The following NR3C2 variants were observed in gnomAD, a reference collection of about 807,000 sequenced individuals.
The protein encoded by NR3C2 is mineralocorticoid receptor.
NR3C2 carries 15 observed loss-of-function variants against 86.4 expected under a neutral mutation model. The observed-to-expected ratio is 0.17, with a 90% CI of 0.12 to 0.27. The LOEUF (loss-of-function observed/expected upper bound fraction) is 0.27, where lower values mean the gene tolerates loss of function less well. NR3C2 is among the 10% of genes least tolerant of loss of function. The pLI is 1.00. For missense variants in NR3C2, 960 were observed against 1,195.6 expected, an observed-to-expected ratio of 0.80 and a Z score of 2.91; for synonymous variants, 458 against 450.5, an observed-to-expected ratio of 1.02 and a Z score of -0.21.
At chr4:148,442,008 G>C (rs899860448) in intron 1 of NR3C2, among the ~76,000 whole-genome samples, 152 bp downstream of exon 1, 5 of 152,216 alleles carry the variant, frequency 3.3e-5, no homozygotes, top group African/African-American at 1.2e-4. Flanking sequence ...GGGGAGAAAA[G>C]TGGAAAACCA....
At chr4:148,097,984 CT>C (rs1005422804) in intron 8 of NR3C2, among the ~76,000 whole-genome samples, 12 of 152,186 alleles carry the variant, frequency 7.9e-5, no homozygotes, top group African/African-American at 2.9e-4. Flanking sequence ...CGACTTCCCC[CT>C]GTACTCTTCG....
intron 3 of NR3C2, among the ~76,000 whole-genome samples, chr4:148,210,281 C>T (rs1488120028): frequency 6.6e-6 from 1 of 152,116 alleles, no homozygotes; most frequent in Admixed American, 6.5e-5. Flanking sequence ...ACCTCCACCT[C>T]CCGGGTTCAA....
Position 148,216,859 on chromosome 4 carries a change from A to G in NR3C2, c.1898-21997T>C, listed in dbSNP as rs377186345. ...TTACCTAGCTCATGATCACAACCAG[A>G]GGTACGGTCTCCAAAGGTATCAAAT... On this transcript the variant is annotated intron_variant, in intron 3 of 8. Coordinates refer to ENST00000358102, the MANE Select transcript of NR3C2 (RefSeq NM_000901.5). Among the ~76,000 whole-genome samples the G allele has an allele frequency of 2.6e-5, 4 of 152,308 alleles. No individual in the cohort carries two copies. In the East Asian group the frequency reaches 5.8e-4, roughly 22 times the overall value.
chr4:148,360,749 T>C (rs1745795097), intron 2 of NR3C2, among the ~76,000 whole-genome samples: 1 of 152,216 alleles, frequency 6.6e-6, no homozygotes, highest in South Asian at 2.1e-4. Flanking sequence ...TAATTAAAAA[T>C]CTGTAAATCC....
chr4:148,221,767 G>A (rs773969211), intron 3 of NR3C2, among the ~76,000 whole-genome samples: 41 of 151,956 alleles, frequency 2.7e-4, no homozygotes, highest in Non-Finnish European at 4.6e-4. Flanking sequence ...GGTGGCAGGT[G>A]CCTGTAATCT....
chr4:148,417,252 A>C (rs1749057779), intron 2 of NR3C2, among the ~76,000 whole-genome samples: 1 of 152,164 alleles, frequency 6.6e-6, no homozygotes, highest in South Asian at 2.1e-4. Context: ...GGGAATTTTG[A>C]ATTTTTATAT....
intron 2 of NR3C2, among the ~76,000 whole-genome samples, chr4:148,338,743 A>C (rs1744610340): frequency 6.6e-6 from 1 of 152,280 alleles, no homozygotes; most frequent in South Asian, 2.1e-4. Flanking sequence ...CAAATCCAAT[A>C]ATGCTGAAAG....
At chr4:148,126,910 G>GT (rs1236683026) in intron 6 of NR3C2, among the ~76,000 whole-genome samples, 1 of 152,040 alleles carries the variant, frequency 6.6e-6, no homozygotes, top group Admixed American at 6.6e-5. Context: ...CCAAACCCAG[G>GT]TTTTTTACTT....
intron 3 of NR3C2, among the ~76,000 whole-genome samples, chr4:148,227,145 C>T (rs998330607): frequency 4.6e-5 from 7 of 152,092 alleles, no homozygotes; most frequent in Admixed American, 2.0e-4. Flanking sequence ...TTTCGTGGTT[C>T]AGGGTCCAAT....
intron 6 of NR3C2, among the ~76,000 whole-genome samples, chr4:148,141,738 A>G (rs1733621918): frequency 6.6e-6 from 1 of 152,170 alleles, no homozygotes; most frequent in Non-Finnish European, 1.5e-5. Context: ...TCAGATCAGC[A>G]GCAGCATTAA....
chr4:148,159,843 A>G (rs1047786731), intron 4 of NR3C2, among the ~76,000 whole-genome samples: 26 of 152,240 alleles, frequency 1.7e-4, no homozygotes, highest in African/African-American at 5.3e-4. Flanking sequence ...AGCATCAGTG[A>G]ACATACATTT....
chr4:148,373,774 G>A (rs1223960078), intron 2 of NR3C2, among the ~76,000 whole-genome samples: 2 of 151,924 alleles, frequency 1.3e-5, no homozygotes, highest in Non-Finnish European at 2.9e-5. Context: ...CACCGCGCCC[G>A]GCCAGGATGA....
chr4:148,320,622 A>G (rs13129690), intron 2 of NR3C2, among the ~76,000 whole-genome samples: 102,719 of 148,184 alleles, frequency 0.69, 36,202 homozygotes, highest in East Asian at 0.83. Flanking sequence ...TATGTGTCGA[A>G]GAAGTTATCC....
intron 2 of NR3C2, among the ~76,000 whole-genome samples, chr4:148,316,500 C>T (rs888061404): frequency 6.6e-6 from 1 of 152,006 alleles, no homozygotes; most frequent in Non-Finnish European, 1.5e-5. Flanking sequence ...GTACAAACAC[C>T]AACTGTTACA....
At chr4:148,285,287 C>T (rs910515523) in intron 2 of NR3C2, among the ~76,000 whole-genome samples, 14 of 152,142 alleles carry the variant, frequency 9.2e-5, no homozygotes, top group Admixed American at 8.5e-4. Context: ...TTGTGAAAGA[C>T]AGGAAAAACT....
At chr4:148,379,012 G>A (rs966999966) in intron 2 of NR3C2, among the ~76,000 whole-genome samples, 19 of 152,052 alleles carry the variant, frequency 1.2e-4, no homozygotes, top group African/African-American at 4.1e-4. Context: ...AACTTCAAAA[G>A]AAGGAAGAGC....
intron 3 of NR3C2, among the ~76,000 whole-genome samples, chr4:148,219,629 CTT>C: frequency 6.6e-6 from 1 of 152,312 alleles, no homozygotes; most frequent in South Asian, 2.1e-4. Context: ...ATACTCCTCT[CTT>C]TTGCAGCTAC....
chr4:148,341,227 T>C (rs1027033862), intron 2 of NR3C2, among the ~76,000 whole-genome samples: 1 of 152,134 alleles, frequency 6.6e-6, no homozygotes, highest in Non-Finnish European at 1.5e-5. Context: ...GTCCAACAGA[T>C]GAATGGATTT....
upstream of NR3C2, chr4:148,444,108 G>C: frequency 2.0e-6 from 2 of 985,428 alleles, no homozygotes; most frequent in South Asian, 9.4e-5. Context: ...ATCTCACGTC[G>C]GCAGAGCGCG....
Sources: gnomAD v4.1 joint callset for allele counts (sites outside exome capture counted in the v4.1 genomes callset) on GRCh38, gnomAD v4.1.1 for gene constraint, MANE v1.5 for transcripts, NCBI Gene and HGNC (gene_info 2026-07-23, HGNC 2026-07-21) for gene names.